Variants in KAT6B observed in about 807,000 individuals in gnomAD.
KAT6B encodes the protein lysine acetyltransferase 6B.
A neutral mutation model predicts 187.5 loss-of-function variants in KAT6B; 10 were observed. The ratio of observed to expected loss-of-function variants is 0.05; its 90% CI spans 0.03 to 0.09. The LOEUF is 0.09. Ranked by LOEUF, KAT6B falls within the 10% of genes least tolerant of loss-of-function variation. The pLI is 1.00. For missense variants in KAT6B, 1,952 were observed against 2,558.9 expected, an observed-to-expected ratio of 0.76 and a Z score of 5.12; for synonymous variants, 861 against 926.8, an observed-to-expected ratio of 0.93 and a Z score of 1.29.
At chr10:75,003,259 C>G (rs1843977778) in intron 13 of KAT6B, 1 of 152,198 alleles carries the variant, frequency 6.6e-6, no homozygotes, top group South Asian at 2.1e-4. Flanking sequence ...CTTTTGCTTA[C>G]TTTTTCTCTT....
rs147747792 is a variant in KAT6B at position 74,883,095 on chromosome 10, T to C, written c.621+39617T>C. 8.5e-3 allele frequency among the ~76,000 whole-genome samples: 1,302 copies of C among 152,304 alleles called. 17 individuals carry two copies. Among genetic ancestry groups the C allele is most frequent in the Non-Finnish European group, 0.013 (857 of 68,020 alleles). ...AGTTTATAAAGAGATGACAAACAAT[T>C]GGCTATGGGATTGAAATAATGCACA... On this transcript the variant is annotated intron_variant, in intron 3 of 17. Coordinates refer to ENST00000287239, the MANE Select transcript of KAT6B (RefSeq NM_012330.4).
intron 3 of KAT6B, among the ~76,000 whole-genome samples, chr10:74,943,225 T>A (rs1229614888): frequency 6.6e-6 from 1 of 152,134 alleles, no homozygotes; most frequent in East Asian, 1.9e-4. Context: ...TACAATAGCA[T>A]CAAATACTAT....
At chr10:74,958,537 G>T (rs553309560) in intron 3 of KAT6B, among the ~76,000 whole-genome samples, 1 of 152,138 alleles carries the variant, frequency 6.6e-6, no homozygotes, top group African/African-American at 2.4e-5. Context: ...TACAGTTTTC[G>T]TAGTTTTGGC....
intron 3 of KAT6B, among the ~76,000 whole-genome samples, chr10:74,921,357 G>T (rs186136295): frequency 5.9e-5 from 9 of 152,110 alleles, no homozygotes; most frequent in Admixed American, 2.6e-4. Context: ...CAGGTGATCC[G>T]CCTGCCTTGA....
intron 3 of KAT6B, among the ~76,000 whole-genome samples, chr10:74,860,777 C>T (rs1000924970): frequency 6.6e-6 from 1 of 152,170 alleles, no homozygotes; most frequent in African/African-American, 2.4e-5. Flanking sequence ...GCAGGAGGAT[C>T]ACTTGAGGCC....
chr10:74,938,115 C>CGTTGTT (rs1039385736), intron 3 of KAT6B, among the ~76,000 whole-genome samples: 1 of 152,096 alleles, frequency 6.6e-6, no homozygotes, highest in Non-Finnish European at 1.5e-5. Context: ...CTGGCTGTTT[C>CGTTGTT]GTTGTTGTTG....
intron 13 of KAT6B, 110 bp from the exon 14 acceptor site, chr10:75,020,472 T>C: frequency 1.3e-6 from 1 of 775,262 alleles, no homozygotes; most frequent in Non-Finnish European, 2.3e-6. Context: ...AATGCACTTC[T>C]CTGTTGTGAT....
chr10:74,980,290 C>T (rs866517894), intron 10 of KAT6B, among the ~76,000 whole-genome samples: 3 of 152,140 alleles, frequency 2.0e-5, no homozygotes, highest in African/African-American at 7.2e-5. Context: ...TAAAGTATGT[C>T]AGGGTACACT....
Position 74,843,416 on chromosome 10 carries a change from T to A in KAT6B, c.559T>A (p.Tyr187Asn), listed in dbSNP as rs369593123. The change falls in exon 3 of 18, where the codon TAT becomes AAT. Residue 187 changes from tyrosine (Y) to asparagine (N), a missense_variant. By Grantham distance (143) the Tyr-to-Asn change is moderately radical. This residue lies in a region of KAT6B where 218 missense variants were observed against 282.6 expected (regional missense o/e 0.77). Coordinates refer to ENST00000287239, the MANE Select transcript of KAT6B (RefSeq NM_012330.4). ...GSLDGKGAPQ[Y>N]PSAFPSSLPP... ...CTTAGATGGCAAAGGGGCACCTCAG[T>A]ATCCCAGTGCATTCCCATCCTCGCT... 5 of 1,613,954 alleles carry A rather than the reference T, an allele frequency of 3.1e-6. No individual in the cohort carries two copies. In the African/African-American group the frequency reaches 6.7e-5, roughly 22 times the overall value.
At chr10:74,953,462 A>G (rs926028018) in intron 3 of KAT6B, among the ~76,000 whole-genome samples, 3 of 152,238 alleles carry the variant, frequency 2.0e-5, no homozygotes, top group African/African-American at 4.8e-5. Context: ...CACAGACACT[A>G]TTGTGCACTT....
chr10:74,928,667 GAGAA>G (rs1848658325), intron 3 of KAT6B, among the ~76,000 whole-genome samples: 1 of 152,082 alleles, frequency 6.6e-6, no homozygotes, highest in African/African-American at 2.4e-5. Flanking sequence ...GAACTTTTTG[GAGAA>G]AGAAATATTT....
At chr10:75,022,282 T>G (rs771550723) in intron 16 of KAT6B, 51 bp downstream of exon 16, 3 of 1,594,940 alleles carry the variant, frequency 1.9e-6, no homozygotes, top group East Asian at 4.5e-5. Context: ...AAATCTTATT[T>G]GTCATTGCAG....
intron 3 of KAT6B, among the ~76,000 whole-genome samples, chr10:74,877,629 A>C (rs1844519848): frequency 6.6e-6 from 1 of 152,206 alleles, no homozygotes; most frequent in African/African-American, 2.4e-5. Flanking sequence ...AAGCATCAAA[A>C]ATAATTAAGA....
At chr10:74,904,213 G>A (rs1026761467) in intron 3 of KAT6B, among the ~76,000 whole-genome samples, 6 of 152,204 alleles carry the variant, frequency 3.9e-5, no homozygotes, top group African/African-American at 1.4e-4. Context: ...CCACAAGTTA[G>A]CAGCTTAAAA....
intron 3 of KAT6B, among the ~76,000 whole-genome samples, chr10:74,860,499 G>T (rs901984795): frequency 6.6e-6 from 1 of 152,196 alleles, no homozygotes; most frequent in African/African-American, 2.4e-5. Context: ...CAAATAAGGT[G>T]ACTTGCCCAA....
chr10:74,959,908 T>C (rs1840975934), intron 3 of KAT6B, 62 bp from the exon 4 acceptor site: 4 of 1,131,170 alleles, frequency 3.5e-6, no homozygotes, highest in Non-Finnish European at 4.0e-6. Context: ...AGCTTTTGAT[T>C]TTAATGTTTT....
intron 3 of KAT6B, among the ~76,000 whole-genome samples, chr10:74,895,642 C>T (rs116890505): frequency 0.011 from 1,616 of 152,138 alleles, 11 homozygotes; most frequent in Non-Finnish European, 0.014. Flanking sequence ...CGGGTTCAAG[C>T]GATTCTCGTG....
intron 3 of KAT6B, among the ~76,000 whole-genome samples, chr10:74,922,682 T>C (rs1316111584): frequency 6.6e-6 from 1 of 152,196 alleles, no homozygotes; most frequent in Non-Finnish European, 1.5e-5. Context: ...GTTTTTAACT[T>C]ACATAGCGTT....
intron 3 of KAT6B, among the ~76,000 whole-genome samples, chr10:74,862,977 G>A (rs563128875): frequency 2.3e-4 from 35 of 152,068 alleles, no homozygotes; most frequent in South Asian, 6.2e-4. Context: ...GCTCTCTTAC[G>A]CCAAGAATGG....
Sources: allele counts gnomAD v4.1 joint callset (sites outside exome capture counted in the v4.1 genomes callset), GRCh38; gene constraint gnomAD v4.1.1; regional missense constraint gnomAD v4.1.1; transcripts MANE v1.5; gene names NCBI Gene and HGNC (gene_info 2026-07-23, HGNC 2026-07-21).